PDE4D: variants seen among roughly 807,000 people sequenced by gnomAD.
PDE4D encodes phosphodiesterase 4D, also known as 3',5'-cyclic-AMP phosphodiesterase 4D.
A neutral mutation model predicts 87.4 loss-of-function variants in PDE4D; 24 were observed. The ratio of observed to expected loss-of-function variants is 0.27; its 90% CI spans 0.20 to 0.39. The LOEUF is 0.39. Ranked by LOEUF, PDE4D falls within the 10% of genes least tolerant of loss-of-function variation. PDE4D has a pLI of 1.00. For synonymous variants in PDE4D, 384 were observed against 383.2 expected, an observed-to-expected ratio of 1.00 and a Z score of -0.02; for missense variants, 714 against 1,041.0, an observed-to-expected ratio of 0.69 and a Z score of 4.32.
intron 1 of PDE4D, among the ~76,000 whole-genome samples, chr5:59,665,663 T>G (rs565144030): frequency 6.6e-6 from 1 of 152,288 alleles, no homozygotes; most frequent in South Asian, 2.1e-4. Context: ...CCTCCCAAAA[T>G]TCAAATGTTG....
At chr5:59,423,260 C>CA (rs1461688216) in intron 1 of PDE4D, among the ~76,000 whole-genome samples, 1 of 152,222 alleles carries the variant, frequency 6.6e-6, no homozygotes, top group Non-Finnish European at 1.5e-5. Flanking sequence ...TCCAAACACT[C>CA]AGACTATGTT....
intron 1 of PDE4D, among the ~76,000 whole-genome samples, chr5:59,354,620 G>A (rs921980419): frequency 6.6e-6 from 1 of 152,098 alleles, no homozygotes; most frequent in Non-Finnish European, 1.5e-5. Context: ...ACATTGTCGT[G>A]GCTGAATGCG....
At chr5:59,139,916 C>T in intron 5 of PDE4D, among the ~76,000 whole-genome samples, 1 of 152,154 alleles carries the variant, frequency 6.6e-6, no homozygotes, top group African/African-American at 2.4e-5. Context: ...TCAATGTCTA[C>T]CATCACATAC....
intron 1 of PDE4D, among the ~76,000 whole-genome samples, chr5:59,616,976 G>A (rs1197172658): frequency 8.4e-6 from 1 of 118,744 alleles, no homozygotes; most frequent in Non-Finnish European, 1.7e-5. Flanking sequence ...TAGGTAATAA[G>A]TGCACATAAG....
intron 1 of PDE4D, among the ~76,000 whole-genome samples, chr5:59,606,478 T>C (rs572910866): frequency 6.6e-6 from 1 of 152,104 alleles, no homozygotes; most frequent in Non-Finnish European, 1.5e-5. Context: ...CCCCAGTTTA[T>C]AGATGATGAA....
intron 5 of PDE4D, among the ~76,000 whole-genome samples, chr5:59,058,817 A>G (rs150415890): frequency 6.6e-6 from 1 of 152,294 alleles, no homozygotes; most frequent in African/African-American, 2.4e-5. Flanking sequence ...CTTCCTTTTA[A>G]ACTTGGGTCT....
chr5:59,609,266 A>G (rs1828653175), intron 1 of PDE4D, among the ~76,000 whole-genome samples: 1 of 152,042 alleles, frequency 6.6e-6, no homozygotes, highest in Non-Finnish European at 1.5e-5. Context: ...TTTAAGGCAC[A>G]TGGCAAGATT....
chr5:59,741,694 T>A (rs1758863154), intron 1 of PDE4D, among the ~76,000 whole-genome samples: 1 of 152,224 alleles, frequency 6.6e-6, no homozygotes. Flanking sequence ...TTTATTTACA[T>A]ATCTAGGTTC....
chr5:59,843,384 C>T (rs1443653257), intron 1 of PDE4D, among the ~76,000 whole-genome samples: 1 of 151,942 alleles, frequency 6.6e-6, no homozygotes, highest in Admixed American at 6.6e-5. Flanking sequence ...ACTCAAAGAT[C>T]TCTGAGATAT....
chr5:60,104,611 A>G (rs906185194), intron 2 of PDE4D, among the ~76,000 whole-genome samples: 2 of 152,314 alleles, frequency 1.3e-5, no homozygotes, highest in South Asian at 4.1e-4. Flanking sequence ...GGAGGCACCC[A>G]CCAGTAGGGT....
intron 1 of PDE4D, among the ~76,000 whole-genome samples, chr5:59,400,630 GC>G (rs1401547616): frequency 2.0e-5 from 3 of 150,934 alleles, no homozygotes; most frequent in African/African-American, 7.3e-5. Context: ...TATACTTAAT[GC>G]TAGATGACGA....
intron 1 of PDE4D, among the ~76,000 whole-genome samples, chr5:60,368,581 T>C (rs1405928118): frequency 6.6e-6 from 1 of 152,204 alleles, no homozygotes; most frequent in Non-Finnish European, 1.5e-5. Context: ...AGGGAATTAT[T>C]TGATCCTTGA....
intron 1 of PDE4D, among the ~76,000 whole-genome samples, chr5:60,520,479 T>C (rs1373229620): frequency 6.6e-6 from 1 of 152,220 alleles, no homozygotes; most frequent in Non-Finnish European, 1.5e-5. Context: ...GCCATGCCTG[T>C]GTTTGTCAGC....
intron 1 of PDE4D, among the ~76,000 whole-genome samples, chr5:59,298,191 C>T (rs1769473261): frequency 6.7e-6 from 1 of 148,266 alleles, no homozygotes; most frequent in African/African-American, 2.5e-5. Context: ...ATCTCACTCA[C>T]TGCAGCCTCT....
intron 2 of PDE4D, among the ~76,000 whole-genome samples, chr5:60,015,979 C>T: frequency 6.6e-6 from 1 of 151,598 alleles, no homozygotes; most frequent in Admixed American, 6.6e-5. Flanking sequence ...GCTCTGCCTC[C>T]TGGGTTCACG....
At chr5:59,878,880 G>A (rs1467597368) in intron 1 of PDE4D, among the ~76,000 whole-genome samples, 1 of 136,042 alleles carries the variant, frequency 7.4e-6, no homozygotes, top group Admixed American at 7.6e-5. Context: ...CATATCTACC[G>A]AAGTAAGTTT....
intron 3 of PDE4D, among the ~76,000 whole-genome samples, chr5:59,931,983 G>A (rs1756010024): frequency 6.6e-6 from 1 of 152,152 alleles, no homozygotes; most frequent in Non-Finnish European, 1.5e-5. Context: ...TTACAGGCCT[G>A]AGCCACTGTG....
intron 1 of PDE4D, among the ~76,000 whole-genome samples, chr5:59,878,638 G>T: frequency 6.6e-6 from 1 of 151,650 alleles, no homozygotes; most frequent in East Asian, 1.9e-4. Flanking sequence ...GTACTTTTTG[G>T]AAATACATGT....
At chr5:60,034,974 A>G (rs186736151) in intron 2 of PDE4D, among the ~76,000 whole-genome samples, 1 of 152,136 alleles carries the variant, frequency 6.6e-6, no homozygotes, top group Non-Finnish European at 1.5e-5. Flanking sequence ...ATGTGCATGC[A>G]GCAGGGTGCG....
Sources: allele counts gnomAD v4.1 joint callset (sites outside exome capture counted in the v4.1 genomes callset), GRCh38; gene constraint gnomAD v4.1.1; transcripts MANE v1.5; gene names NCBI Gene and HGNC (gene_info 2026-07-23, HGNC 2026-07-21).